RAPGEF1: variants seen among roughly 807,000 people sequenced by gnomAD.
The protein encoded by RAPGEF1 is Rap guanine nucleotide exchange factor 1, also known as CRK SH3-binding GNRP.
RAPGEF1 carries 33 observed loss-of-function variants against 143.3 expected under a neutral mutation model. The ratio of observed to expected loss-of-function variants is 0.23; its 90% CI spans 0.17 to 0.31. The LOEUF (loss-of-function observed/expected upper bound fraction) is 0.31. RAPGEF1 is among the 10% of genes least tolerant of loss of function. The pLI is 1.00. For synonymous variants in RAPGEF1, 629 were observed against 676.5 expected (o/e 0.93, Z 1.09); for missense variants, 1,199 against 1,645.4 (o/e 0.73, Z 4.69).
rs76289378 is a variant in RAPGEF1, at chr9:131,641,687, G to A, written c.494+1552C>T. On this transcript the variant is annotated intron_variant, in intron 4 of 26. Coordinates refer to ENST00000683357, the MANE Select transcript of RAPGEF1 (RefSeq NM_001377935.1). This position sits in a 1 kb window ranked among gnomAD's most constrained non-coding sequence, Gnocchi z 4.6. ...TCCATACATCTCGCTGTGGCATGAC[G>A]TCAGCACATGCGCTCCTAGGAGCCC... is the stretch of plus-strand genomic sequence containing the variant. Among the ~76,000 whole-genome samples the A allele has an allele frequency of 0.036, 5,441 of 152,310 alleles. 212 individuals carry two copies. The highest frequency in any genetic ancestry group is 0.089 in the East Asian group (462 of 5,178).
chr9:131,684,837 A>G (rs1237156407), intron 1 of RAPGEF1, among the ~76,000 whole-genome samples: 1 of 152,258 alleles, frequency 6.6e-6, no homozygotes, highest in Non-Finnish European at 1.5e-5. Flanking sequence ...CGAGGAAGAG[A>G]TTCCGGGAGG....
At chr9:131,593,332 T>G (rs1255441510) in intron 17 of RAPGEF1, among the ~76,000 whole-genome samples, 1 of 152,240 alleles carries the variant, frequency 6.6e-6, no homozygotes, top group Non-Finnish European at 1.5e-5. Context: ...TCTCTGATAT[T>G]ACAGAATGAA....
intron 5 of RAPGEF1, among the ~76,000 whole-genome samples, chr9:131,633,400 C>T (rs1965486190): frequency 6.6e-6 from 1 of 152,222 alleles, no homozygotes; most frequent in African/African-American, 2.4e-5. Flanking sequence ...CGCCAGAACA[C>T]AGTGCCCTGG....
chr9:131,616,516 T>C (rs992757330), intron 12 of RAPGEF1, among the ~76,000 whole-genome samples: 4 of 152,218 alleles, frequency 2.6e-5, no homozygotes, highest in Non-Finnish European at 5.9e-5. Flanking sequence ...TGAATGAGAA[T>C]ACTTCTCAGT....
intron 1 of RAPGEF1, among the ~76,000 whole-genome samples, chr9:131,717,625 T>C (rs1835951072): frequency 6.6e-6 from 1 of 151,700 alleles, no homozygotes; most frequent in Non-Finnish European, 1.5e-5. Context: ...CACAAGATAT[T>C]AGCGAGGCAT....
At chr9:131,706,584 T>A (rs1401878037) in intron 1 of RAPGEF1, among the ~76,000 whole-genome samples, 9 of 152,196 alleles carry the variant, frequency 5.9e-5, no homozygotes, top group Admixed American at 5.2e-4. Context: ...TGGGAATCTT[T>A]AATTCCAGTT....
At chr9:131,632,664 CACA>C (rs1404504439) in intron 5 of RAPGEF1, among the ~76,000 whole-genome samples, 7 of 152,176 alleles carry the variant, frequency 4.6e-5, no homozygotes, top group Middle Eastern at 6.8e-3. Context: ...AAGACAAAGT[CACA>C]ACAAGAATAT....
intron 1 of RAPGEF1, among the ~76,000 whole-genome samples, chr9:131,677,193 C>T (rs371513810): frequency 6.6e-6 from 1 of 152,224 alleles, no homozygotes; most frequent in Non-Finnish European, 1.5e-5. Context: ...TAAACGTGCA[C>T]GCAGCTTGTT....
At chr9:131,735,029 C>G (rs1837327698) in intron 1 of RAPGEF1, among the ~76,000 whole-genome samples, 2 of 152,146 alleles carry the variant, frequency 1.3e-5, no homozygotes, top group African/African-American at 4.8e-5. Flanking sequence ...GCTGGGAGCA[C>G]AGAGAGGAAG....
At chr9:131,716,105 C>A (rs760051822) in intron 1 of RAPGEF1, among the ~76,000 whole-genome samples, 1 of 152,166 alleles carries the variant, frequency 6.6e-6, no homozygotes, top group Non-Finnish European at 1.5e-5. Context: ...GGATCCCACA[C>A]GAGGCTGCTT....
intron 25 of RAPGEF1, among the ~76,000 whole-genome samples, chr9:131,580,714 A>AG (rs1256275398): frequency 6.6e-6 from 1 of 152,136 alleles, no homozygotes; most frequent in East Asian, 1.9e-4. Context: ...TAAAAAAAAA[A>AG]AATAACAAAA....
intron 1 of RAPGEF1, among the ~76,000 whole-genome samples, chr9:131,705,630 G>A (rs1199347771): frequency 3.3e-5 from 5 of 152,018 alleles, no homozygotes; most frequent in East Asian, 1.9e-4. Context: ...CAGATTTCTC[G>A]ACCACGAGAA....
At chr9:131,738,202 A>T (rs973084035) in intron 1 of RAPGEF1, among the ~76,000 whole-genome samples, 1 of 149,830 alleles carries the variant, frequency 6.7e-6, no homozygotes, top group Non-Finnish European at 1.5e-5. Context: ...TATTATAAAG[A>T]TATAAAACAT....
intron 1 of RAPGEF1, among the ~76,000 whole-genome samples, chr9:131,705,250 G>A (rs2131156413): frequency 6.6e-6 from 1 of 152,250 alleles, no homozygotes. Flanking sequence ...CTGCAGCCAG[G>A]GAGCACTCAC....
chr9:131,714,918 C>T (rs1209583162), intron 1 of RAPGEF1, among the ~76,000 whole-genome samples: 2 of 152,038 alleles, frequency 1.3e-5, no homozygotes, highest in South Asian at 4.2e-4. Flanking sequence ...TGCTTGGTTG[C>T]CAGGCTGGTC....
chr9:131,709,962 C>CT (rs1835391980), intron 1 of RAPGEF1: 2 of 985,012 alleles, frequency 2.0e-6, no homozygotes, highest in Non-Finnish European at 2.4e-6. Context: ...TTAAGAAGCT[C>CT]TTTCCTCAGC....
At chr9:131,731,576 GCT>G (rs1213388832) in intron 1 of RAPGEF1, among the ~76,000 whole-genome samples, 2 of 152,076 alleles carry the variant, frequency 1.3e-5, no homozygotes, top group African/African-American at 4.8e-5. Context: ...TCACACTCCT[GCT>G]CCGTTTTTAA....
In RAPGEF1 at chr9:131,736,419, G is replaced by T. The variant is rs76593940; in HGVS notation, c.61+3351C>A. ...CCTGTGCCACCCTCTGGCCCAGACT[G>T]TCTTGATTCCCCATGGCACTTGGGA... On this transcript the variant is annotated intron_variant, in intron 1 of 26. Coordinates refer to ENST00000683357, the MANE Select transcript of RAPGEF1 (RefSeq NM_001377935.1). 4.6e-5 allele frequency among the ~76,000 whole-genome samples: 7 copies of T among 152,302 alleles called. 1 individual carries two copies. In the East Asian group the frequency reaches 9.6e-4, roughly 21 times the overall value.
intron 17 of RAPGEF1, among the ~76,000 whole-genome samples, chr9:131,595,700 C>T (rs1476577774): frequency 6.6e-6 from 1 of 152,226 alleles, no homozygotes; most frequent in Non-Finnish European, 1.5e-5. Context: ...AATGACTTTG[C>T]TAGCAGAGTC....
Sources: allele counts gnomAD v4.1 joint callset (sites outside exome capture counted in the v4.1 genomes callset), GRCh38; gene constraint gnomAD v4.1.1; non-coding constraint Gnocchi (gnomAD v3.1); transcripts MANE v1.5; gene names NCBI Gene and HGNC (gene_info 2026-07-23, HGNC 2026-07-21).